MAGI2: variants seen among roughly 807,000 people sequenced by gnomAD.
MAGI2 encodes the protein membrane associated guanylate kinase, WW and PDZ domain containing 2, also known as membrane-associated guanylate kinase, WW and PDZ domain-containing protein 2.
Under a neutral mutation model 133.3 loss-of-function variants are expected in MAGI2, and 35 were observed. The observed-to-expected ratio is 0.26, with a 90% CI of 0.20 to 0.35. The LOEUF is 0.35. Among genes scored for constraint, MAGI2 ranks in the 10% least tolerant of loss-of-function variants. MAGI2 has a pLI of 1.00. For missense variants in MAGI2, 1,636 were observed against 1,863.4 expected, an observed-to-expected ratio of 0.88 and a Z score of 2.25; for synonymous variants, 729 against 710.6, an observed-to-expected ratio of 1.03 and a Z score of -0.41.
intron 6 of MAGI2, among the ~76,000 whole-genome samples, chr7:78,390,237 T>C (rs930351752): frequency 6.6e-6 from 1 of 152,172 alleles, no homozygotes; most frequent in African/African-American, 2.4e-5. Flanking sequence ...AATATCATGT[T>C]TTCAGGAAAA....
intron 1 of MAGI2, among the ~76,000 whole-genome samples, chr7:79,390,114 T>G (rs1844491364): frequency 1.3e-5 from 2 of 152,182 alleles, no homozygotes; most frequent in African/African-American, 4.8e-5. Context: ...ACAGCAGGTA[T>G]AAATAAATTA....
chr7:78,873,664 G>A (rs1476919601), intron 2 of MAGI2, among the ~76,000 whole-genome samples: 1 of 152,046 alleles, frequency 6.6e-6, no homozygotes, highest in African/African-American at 2.4e-5. Context: ...TACAATAAAT[G>A]TAATGCGCTT....
chr7:78,166,700 C>A lies in MAGI2; in HGVS notation c.2596+1216G>T, dbSNP rs866175205. On this transcript the variant is annotated intron_variant, in intron 15 of 21. Coordinates refer to ENST00000354212, the MANE Select transcript of MAGI2 (RefSeq NM_012301.4). ...TATCCTCTCTACTAGTCATTCACAG[C>A]CTGTCATTAGCCTGTGGTCCTCTTC... is the stretch of plus-strand genomic sequence containing the variant. Among the ~76,000 whole-genome samples, 59 of 152,264 alleles carry A rather than the reference C, an allele frequency of 3.9e-4. No individual in the cohort carries two copies. The Middle Eastern group carries it at 0.014, about 35-fold the overall frequency.
intron 7 of MAGI2, among the ~76,000 whole-genome samples, chr7:78,361,285 T>C (rs996033630): frequency 3.3e-5 from 5 of 151,778 alleles, no homozygotes; most frequent in African/African-American, 1.2e-4. Flanking sequence ...TCCCAGCTAC[T>C]TGGGGGGCTG....
intron 2 of MAGI2, among the ~76,000 whole-genome samples, chr7:78,935,554 A>C (rs1800447202): frequency 6.6e-6 from 1 of 152,136 alleles, no homozygotes; most frequent in African/African-American, 2.4e-5. Context: ...ATCTAACTGC[A>C]AATAATAAAT....
intron 1 of MAGI2, among the ~76,000 whole-genome samples, chr7:79,341,520 G>A (rs1319844850): frequency 1.3e-5 from 2 of 152,098 alleles, no homozygotes; most frequent in African/African-American, 4.8e-5. Flanking sequence ...CTCAGAATCT[G>A]GTGCAAAGAG....
intron 5 of MAGI2, chr7:78,490,076 T>A (rs756484799): frequency 4.3e-6 from 2 of 468,216 alleles, no homozygotes; most frequent in Non-Finnish European, 7.5e-6. Flanking sequence ...TCAACTAGAA[T>A]GTTGCCAAGT....
chr7:78,970,556 A>C (rs1803700462), intron 2 of MAGI2, among the ~76,000 whole-genome samples: 1 of 151,666 alleles, frequency 6.6e-6, no homozygotes, highest in African/African-American at 2.4e-5. Flanking sequence ...CAATTATGGA[A>C]ACTACATTTT....
chr7:78,836,897 A>T (rs1198507786), intron 2 of MAGI2, among the ~76,000 whole-genome samples: 1 of 151,702 alleles, frequency 6.6e-6, no homozygotes, highest in African/African-American at 2.4e-5. Context: ...TAGAAATTAT[A>T]CTCAGCCTCA....
intron 2 of MAGI2, among the ~76,000 whole-genome samples, chr7:78,818,391 T>G (rs1789794271): frequency 1.3e-5 from 2 of 152,200 alleles, no homozygotes; most frequent in Non-Finnish European, 2.9e-5. Context: ...CTTTAAATAT[T>G]CTTATTTCTG....
intron 2 of MAGI2, among the ~76,000 whole-genome samples, chr7:78,847,479 A>G (rs1792728191): frequency 6.6e-6 from 1 of 152,016 alleles, no homozygotes; most frequent in Non-Finnish European, 1.5e-5. Flanking sequence ...TAGTGTTTTT[A>G]GATCTTGTCA....
rs201561043 is a variant in MAGI2, at chr7:79,202,621, TG to T, written c.302-195416del. The stretch of plus-strand genomic sequence containing the variant: ...TAATAAAACGTATTTAAAAAACTCA[TG>T]GGCAAGATACAGGTGAACAAGGAAA... On this transcript the variant is annotated intron_variant, in intron 1 of 21. Coordinates refer to ENST00000354212, the MANE Select transcript of MAGI2 (RefSeq NM_012301.4). Among the ~76,000 whole-genome samples the T allele has an allele frequency of 6.3e-3, 965 of 152,112 alleles. 18 individuals are homozygous for T. Among genetic ancestry groups the T allele is most frequent in the African/African-American group, 0.022 (920 of 41,424 alleles).
chr7:79,427,655 G>C (rs1364985183), intron 1 of MAGI2, among the ~76,000 whole-genome samples: 1 of 152,120 alleles, frequency 6.6e-6, no homozygotes, highest in Non-Finnish European at 1.5e-5. Flanking sequence ...TGCATATGTA[G>C]GAAAATGGCA....
chr7:78,195,123 G>A, intron 11 of MAGI2, 60 bp from the exon 12 acceptor site: 2 of 1,427,760 alleles, frequency 1.4e-6, no homozygotes, highest in Non-Finnish European at 1.9e-6. Context: ...TATTTCTCTT[G>A]TCACCTTTAG....
At chr7:78,518,017 A>T (rs1042699485) in intron 4 of MAGI2, 1 of 151,848 alleles carries the variant, frequency 6.6e-6, no homozygotes, top group Non-Finnish European at 1.5e-5. Flanking sequence ...AAAAAAAAAT[A>T]GGAATCAGAT....
At chr7:78,168,926 C>T (rs952442062) in intron 14 of MAGI2, among the ~76,000 whole-genome samples, 3 of 152,168 alleles carry the variant, frequency 2.0e-5, no homozygotes, top group Non-Finnish European at 4.4e-5. Flanking sequence ...CAAACCTTCT[C>T]CAGATTTTTG....
chr7:78,617,214 T>C (rs1410776426), intron 3 of MAGI2: 4 of 152,088 alleles, frequency 2.6e-5, no homozygotes, highest in Admixed American at 2.6e-4. Context: ...TGGGTAGGAA[T>C]GTGCTGGTTA....
At chr7:78,209,470 C>T (rs1236235578) in intron 10 of MAGI2, among the ~76,000 whole-genome samples, 1 of 151,516 alleles carries the variant, frequency 6.6e-6, no homozygotes, top group Non-Finnish European at 1.5e-5. Flanking sequence ...ACCATGTTGG[C>T]CAGGATGGTC....
At chr7:78,333,020 G>T (rs971214070) in intron 9 of MAGI2, among the ~76,000 whole-genome samples, 2 of 152,184 alleles carry the variant, frequency 1.3e-5, no homozygotes, top group African/African-American at 4.8e-5. Flanking sequence ...TGTCTAAACA[G>T]GCAAAATGAT....
Sources: allele counts gnomAD v4.1 joint callset (sites outside exome capture counted in the v4.1 genomes callset), GRCh38; gene constraint gnomAD v4.1.1; transcripts MANE v1.5; gene names NCBI Gene and HGNC (gene_info 2026-07-23, HGNC 2026-07-21).